Variants in SLC8A3 observed in about 807,000 individuals in gnomAD.
The protein encoded by SLC8A3 is sodium/calcium exchanger 3.
SLC8A3 carries 37 observed loss-of-function variants against 65.4 expected under a neutral mutation model. The ratio of observed to expected loss-of-function variants is 0.57; its 90% CI spans 0.44 to 0.74. The LOEUF is 0.74. Among genes scored for constraint, SLC8A3 ranks in the 30% least tolerant of loss-of-function variants. SLC8A3 has a pLI of 0.00. For missense variants in SLC8A3, 1,112 were observed against 1,172.1 expected (o/e 0.95, Z 0.75); for synonymous variants, 461 against 444.5 (o/e 1.04, Z -0.47).
At chr14:70,059,875 G>A (rs1484885651) in intron 3 of SLC8A3, among the ~76,000 whole-genome samples, 1 of 152,062 alleles carries the variant, frequency 6.6e-6, no homozygotes, top group African/African-American at 2.4e-5. Flanking sequence ...GTCCTTTTCT[G>A]GGGCCCCTGG....
intron 2 of SLC8A3, among the ~76,000 whole-genome samples, chr14:70,069,772 C>T (rs138734405): frequency 8.5e-4 from 130 of 152,256 alleles, no homozygotes; most frequent in African/African-American, 3.0e-3. Context: ...CTCTAATTGG[C>T]GTTCTCTTTA....
intron 2 of SLC8A3, among the ~76,000 whole-genome samples, chr14:70,104,365 T>C (rs1892719344): frequency 6.6e-6 from 1 of 152,140 alleles, no homozygotes; most frequent in South Asian, 2.1e-4. Flanking sequence ...ATAAATCACC[T>C]GATAAAGATA....
Position 70,060,940 on chromosome 14 carries a change from C to T in SLC8A3, c.1785-1G>A. ...TACTATTTTAACCCTTATGGTTTTC[C>T]TGTAGGGACAACAAGAGAGAGAGTG... is the stretch of plus-strand genomic sequence containing the variant. On this transcript the variant is annotated splice_acceptor_variant, in intron 2 of 6. Coordinates refer to ENST00000356921, the MANE Select transcript of SLC8A3 (RefSeq NM_182932.3). LOFTEE classifies it high-confidence loss of function. 1 of 1,386,556 alleles carries T rather than the reference C, an allele frequency of 7.2e-7. No homozygotes were observed. The highest frequency in any genetic ancestry group is 9.8e-7 in the Non-Finnish European group (1 of 1,016,280). The allele number at this position is 1,386,556 out of a possible 1,614,324, so 85.9% of individuals were successfully genotyped here.
chr14:70,076,324 G>A (rs983703475), intron 2 of SLC8A3, among the ~76,000 whole-genome samples: 1 of 152,140 alleles, frequency 6.6e-6, no homozygotes, highest in African/African-American at 2.4e-5. Context: ...TTATTTATCT[G>A]TAAGTGGTCT....
rs979764001 is a variant in SLC8A3, at chr14:70,060,622, A to G, written c.1888+214T>C. The G allele has an allele frequency of 8.6e-6, 6 of 700,482 alleles. No homozygotes were observed. In the East Asian group the frequency reaches 1.7e-4, roughly 20 times the overall value. The allele number at this position is 700,482 out of a possible 1,614,324, so 43.4% of individuals were successfully genotyped here. On this transcript the variant is annotated intron_variant, in intron 3 of 6. Coordinates refer to ENST00000356921, the MANE Select transcript of SLC8A3 (RefSeq NM_182932.3). ...GAGGAATTTGGAATAAGCTAAGGCT[A>G]AGAAGGCAGAGATGATACCGAAACA...
chr14:70,189,158 C>G (rs1883609326), upstream of SLC8A3: 1 of 151,708 alleles, frequency 6.6e-6, no homozygotes, highest in Admixed American at 6.5e-5. Context: ...GGAAGTCGAG[C>G]CCGCATCCCG....
chr14:70,136,342 T>G (rs910462584), intron 2 of SLC8A3, among the ~76,000 whole-genome samples: 1 of 152,168 alleles, frequency 6.6e-6, no homozygotes, highest in South Asian at 2.1e-4. Context: ...ATTTTTGTTG[T>G]TTTACGCCAC....
chr14:70,135,563 A>C (rs1895135179), intron 2 of SLC8A3, among the ~76,000 whole-genome samples: 1 of 152,264 alleles, frequency 6.6e-6, no homozygotes, highest in Non-Finnish European at 1.5e-5. Flanking sequence ...TTAGCCATAA[A>C]AAAATAAATA....
chr14:70,080,715 C>T lies in SLC8A3; in HGVS notation c.1785-19776G>A, dbSNP rs141407432. Among the ~76,000 whole-genome samples, 297 of 152,290 alleles carry T rather than the reference C, an allele frequency of 2.0e-3. 3 individuals are homozygous for T. Among genetic ancestry groups the T allele is most frequent in the African/African-American group, 6.8e-3 (284 of 41,552 alleles). ...TGATTAAGGAAACCAAAGTTGTACA[C>T]GGGCAGAAAAGAGAAGTCCTTTTAT... On this transcript the variant is annotated intron_variant, in intron 2 of 6. Transcript: ENST00000356921.
intron 3 of SLC8A3, among the ~76,000 whole-genome samples, chr14:70,058,478 G>A (rs911289489): frequency 6.6e-6 from 1 of 152,150 alleles, no homozygotes; most frequent in Non-Finnish European, 1.5e-5. Flanking sequence ...CTTCATCTTG[G>A]CATCTCGGTC....
intron 2 of SLC8A3, among the ~76,000 whole-genome samples, chr14:70,123,871 C>G (rs1221752437): frequency 6.6e-6 from 1 of 152,208 alleles, no homozygotes; most frequent in Non-Finnish European, 1.5e-5. Context: ...TAACCATCCT[C>G]AAATGTTAAT....
intron 2 of SLC8A3, among the ~76,000 whole-genome samples, chr14:70,062,146 A>G (rs1888874233): frequency 6.6e-6 from 1 of 151,872 alleles, no homozygotes; most frequent in South Asian, 2.1e-4. Context: ...GGGGAGGCTA[A>G]GAACTAAATG....
rs577757632 is a variant in SLC8A3, at chr14:70,065,454, A to G, written c.1785-4515T>C. Among the ~76,000 whole-genome samples the G allele has an allele frequency of 2.6e-5, 4 of 152,272 alleles. No individual in the cohort carries two copies. In the East Asian group the frequency reaches 7.7e-4, roughly 29 times the overall value. The stretch of plus-strand genomic sequence containing the variant: ...ACCGTAGAAAGCCCGTGGCTCTTCA[A>G]CTTGTGAAAGGCCATGATGCTCTGG... On this transcript the variant is annotated intron_variant, in intron 2 of 6. Transcript: ENST00000356921.
At chr14:70,126,657 G>A (rs896014739) in intron 2 of SLC8A3, among the ~76,000 whole-genome samples, 1 of 151,310 alleles carries the variant, frequency 6.6e-6, no homozygotes, top group Non-Finnish European at 1.5e-5. Context: ...GGTGCCCAGA[G>A]AATGAAAATT....
upstream of SLC8A3, chr14:70,189,088 C>T (rs548635497): frequency 3.3e-5 from 5 of 152,344 alleles, no homozygotes; most frequent in African/African-American, 9.6e-5. Context: ...TGACAAGCCG[C>T]GCATATTTAT....
chr14:70,116,643 C>G (rs1320466383), intron 2 of SLC8A3, among the ~76,000 whole-genome samples: 1 of 152,104 alleles, frequency 6.6e-6, no homozygotes, highest in South Asian at 2.1e-4. Flanking sequence ...GTGTGGCTCT[C>G]GAACAGGTAA....
chr14:70,147,852 A>G (rs758029993), intron 2 of SLC8A3, among the ~76,000 whole-genome samples: 1 of 152,198 alleles, frequency 6.6e-6, no homozygotes, highest in Non-Finnish European at 1.5e-5. Context: ...TGTTGTTTGT[A>G]GTAATTAGTT....
intron 2 of SLC8A3, among the ~76,000 whole-genome samples, chr14:70,126,462 G>A (rs544576616): frequency 6.6e-6 from 1 of 151,938 alleles, no homozygotes; most frequent in African/African-American, 2.4e-5. Context: ...TATTTGCTTA[G>A]AACTACATGA....
intron 2 of SLC8A3, among the ~76,000 whole-genome samples, chr14:70,062,738 G>C (rs149250): frequency 0.57 from 86,533 of 152,074 alleles, 25,603 homozygotes; most frequent in African/African-American, 0.75. Flanking sequence ...GGACAAAAGA[G>C]AAAGCTCATT....
Sources: allele counts gnomAD v4.1 joint callset (sites outside exome capture counted in the v4.1 genomes callset), GRCh38; gene constraint gnomAD v4.1.1; transcripts MANE v1.5; gene names NCBI Gene and HGNC (gene_info 2026-07-23, HGNC 2026-07-21).